The following CEP85L variants were observed in gnomAD, a reference collection of about 807,000 sequenced individuals.
The protein encoded by CEP85L is centrosomal protein 85L.
In CEP85L, 60 loss-of-function variants were observed where a neutral mutation model predicts 100.3. The ratio of observed to expected loss-of-function variants is 0.60; its 90% confidence interval spans 0.49 to 0.74. The LOEUF is 0.74. Among genes scored for constraint, CEP85L ranks in the 30% least tolerant of loss-of-function variants. The pLI, the probability that CEP85L is intolerant of heterozygous loss-of-function variation, is 0.00. For missense variants in CEP85L, 973 were observed against 936.2 expected, an observed-to-expected ratio of 1.04 and a Z score of -0.51; for synonymous variants, 319 against 322.7, an observed-to-expected ratio of 0.99 and a Z score of 0.12.
intron 1 of CEP85L, among the ~76,000 whole-genome samples, chr6:118,707,564 C>T (rs1229111719): frequency 1.3e-5 from 2 of 152,138 alleles, no homozygotes; most frequent in African/African-American, 4.8e-5. Context: ...AAACTACTTC[C>T]TTTTTATTAA....
At chr6:118,605,808 C>T (rs180870955) in intron 2 of CEP85L, among the ~76,000 whole-genome samples, 7 of 152,108 alleles carry the variant, frequency 4.6e-5, no homozygotes, top group Non-Finnish European at 4.4e-5. Context: ...GTCAGGAGAT[C>T]GAGGCCATCC....
chr6:118,581,276 G>A (rs1780562335), intron 2 of CEP85L, among the ~76,000 whole-genome samples: 2 of 152,128 alleles, frequency 1.3e-5, no homozygotes, highest in East Asian at 1.9e-4. Context: ...TAATTAGTAA[G>A]GGGATTTTAA....
At chr6:118,482,285 AT>A (rs1316259558) in intron 7 of CEP85L, among the ~76,000 whole-genome samples, 2 of 152,130 alleles carry the variant, frequency 1.3e-5, no homozygotes, top group African/African-American at 2.4e-5. Flanking sequence ...GTACATTCAC[AT>A]TGTTGTGCAA....
chr6:118,589,312 G>A (rs751492827), intron 2 of CEP85L: 1 of 239,106 alleles, frequency 4.2e-6, no homozygotes, highest in African/African-American at 2.3e-5. Context: ...AATTCCAGGG[G>A]AATGATTCTG....
chr6:118,578,277 C>A (rs562401714), intron 2 of CEP85L, among the ~76,000 whole-genome samples: 15 of 152,200 alleles, frequency 9.9e-5, no homozygotes, highest in Non-Finnish European at 1.9e-4. Context: ...ACTCTTCCCA[C>A]CTTAGCAACA....
intron 3 of CEP85L, among the ~76,000 whole-genome samples, chr6:118,545,202 A>C (rs746935794): frequency 5.3e-5 from 8 of 151,636 alleles, no homozygotes; most frequent in Non-Finnish European, 7.3e-5. Flanking sequence ...TTCTATTTTG[A>C]AGCTTCTTCG....
intron 3 of CEP85L, among the ~76,000 whole-genome samples, chr6:118,545,001 GATAGGTAAAATCTTC>G (rs141776540): frequency 0.012 from 1,869 of 152,188 alleles, 23 homozygotes; most frequent in Non-Finnish European, 0.017. Flanking sequence ...ACCCTCAAGA[GATAGGTAAAATCTTC>G]TTCCTGGGTG....
chr6:118,511,949 AAAG>A (rs1164753152), intron 4 of CEP85L, among the ~76,000 whole-genome samples: 1 of 151,698 alleles, frequency 6.6e-6, no homozygotes, highest in Non-Finnish European at 1.5e-5. Flanking sequence ...CAAATAATTT[AAAG>A]CTTTACAAGA....
intron 1 of CEP85L, among the ~76,000 whole-genome samples, chr6:118,650,193 T>C (rs1775456157): frequency 6.6e-6 from 1 of 152,150 alleles, no homozygotes; most frequent in Non-Finnish European, 1.5e-5. Context: ...ACAGCTAAAA[T>C]TGTAGGGAAA....
At chr6:118,516,212 T>C (rs1776266954) in intron 4 of CEP85L, among the ~76,000 whole-genome samples, 1 of 152,224 alleles carries the variant, frequency 6.6e-6, no homozygotes. Context: ...GCGATAAACA[T>C]ACATGTGCAT....
At chr6:118,600,303 GTGTGTGTGT>G (rs1562297827) in intron 2 of CEP85L, among the ~76,000 whole-genome samples, 703 of 33,960 alleles carry the variant, frequency 0.021, 132 homozygotes, top group Middle Eastern at 0.042. Flanking sequence ...TCCTGGGGGT[GTGTGTGTGT>G]GTGTGTGTGT....
At position 118,523,531 on chromosome 6, in the gene CEP85L, G is replaced by C. The variant is rs192892054; in HGVS notation, c.1139+271C>G. 1.6e-3 allele frequency among the ~76,000 whole-genome samples: 245 copies of C among 152,236 alleles called. 2 individuals carry two copies. The highest frequency in any genetic ancestry group is 5.6e-3 in the African/African-American group (233 of 41,530). ...AGCTGATTAGCATTGCAGCTAACCC[G>C]CTACACGTACAGAAAAGACAGAATG... On this transcript the variant is annotated intron_variant, in intron 4 of 12. Transcript: ENST00000368491.
chr6:118,513,077 A>G (rs914161544), intron 4 of CEP85L, among the ~76,000 whole-genome samples: 1 of 152,222 alleles, frequency 6.6e-6, no homozygotes, highest in African/African-American at 2.4e-5. Context: ...AAAACATTAG[A>G]CATTACAGCA....
At chr6:118,545,675 A>T (rs893607835) in intron 3 of CEP85L, among the ~76,000 whole-genome samples, 2 of 152,230 alleles carry the variant, frequency 1.3e-5, no homozygotes, top group African/African-American at 2.4e-5. Context: ...ACATGAACTC[A>T]TGATTCAGTT....
At chr6:118,569,806 AT>A (rs1255213315) in intron 2 of CEP85L, among the ~76,000 whole-genome samples, 1 of 152,062 alleles carries the variant, frequency 6.6e-6, no homozygotes, top group Non-Finnish European at 1.5e-5. Context: ...TAGCAACTCA[AT>A]TTTAAAATAG....
chr6:118,564,995 T>C (rs1190482706), intron 3 of CEP85L: 1 of 148,964 alleles, frequency 6.7e-6, no homozygotes, highest in Admixed American at 6.6e-5. Context: ...ACACATAATT[T>C]TTTTTAAAAA....
intron 1 of CEP85L, among the ~76,000 whole-genome samples, chr6:118,681,980 TC>T (rs750865530): frequency 7.2e-5 from 11 of 152,150 alleles, no homozygotes; most frequent in Non-Finnish European, 1.3e-4. Context: ...CCTCAGGTGA[TC>T]CACCTGCTGT....
At chr6:118,476,545 T>C (rs1773394386) in intron 10 of CEP85L, among the ~76,000 whole-genome samples, 1 of 152,198 alleles carries the variant, frequency 6.6e-6, no homozygotes, top group African/African-American at 2.4e-5. Context: ...AAAGGAGTTA[T>C]GTTCTACCTA....
chr6:118,651,622 G>C (rs1313490584), upstream of CEP85L: 57 of 1,052,582 alleles, frequency 5.4e-5, no homozygotes, highest in Non-Finnish European at 6.3e-5. Context: ...GCCAGAGCCG[G>C]GGCTGGGGCC....
Sources: allele counts gnomAD v4.1 joint callset (sites outside exome capture counted in the v4.1 genomes callset), GRCh38; gene constraint gnomAD v4.1.1; transcripts MANE v1.5; gene names NCBI Gene and HGNC (gene_info 2026-07-23, HGNC 2026-07-21).